PCDHGA6: variants seen among roughly 807,000 people sequenced by gnomAD.
PCDHGA6 encodes the protein protocadherin gamma-A6.
In PCDHGA6, 41 loss-of-function variants were observed where a neutral mutation model predicts 60.6. That is an observed-to-expected ratio of 0.68 (90% CI 0.53 to 0.88). The LOEUF (loss-of-function observed/expected upper bound fraction) is 0.88, where lower values mean the gene tolerates loss of function less well. Among genes scored for constraint, PCDHGA6 ranks in the 40% least tolerant of loss-of-function variants. The pLI is 0.00. For synonymous variants in PCDHGA6, 594 were observed against 524.4 expected (o/e 1.13, Z -1.81); for missense variants, 1,312 against 1,203.0 (o/e 1.09, Z -1.34).
chr5:141,422,678 A>G, intron 1 of PCDHGA6: 1 of 1,606,250 alleles, frequency 6.2e-7, no homozygotes, highest in Non-Finnish European at 8.5e-7. Flanking sequence ...GACAGCAAAC[A>G]GAATGCCCTG....
Position 141,432,083 on chromosome 5 carries a change from G to T in PCDHGA6, c.2424+55576G>T, listed in dbSNP as rs1221754474. On this transcript the variant is annotated intron_variant, in intron 1 of 3. Transcript: ENST00000517434. The surrounding 1 kb of genome is among the most constrained non-coding windows in gnomAD (Gnocchi z 6.0). ...CACGGAAACTCATATCTCGCTGAAC[G>T]TGGCAGACACCAACGACAACCCGCC... The T allele has an allele frequency of 1.9e-6, 3 of 1,614,040 alleles. No individual in the cohort carries two copies. The highest frequency in any genetic ancestry group is 2.7e-5 in the African/African-American group (2 of 74,910).
At chr5:141,460,926 G>A (rs1180507724) in intron 1 of PCDHGA6, among the ~76,000 whole-genome samples, 4 of 145,540 alleles carry the variant, frequency 2.7e-5, no homozygotes, top group African/African-American at 2.6e-5. Flanking sequence ...ATATATATAT[G>A]TGTGTGTGTA....
rs758417744 is a variant in PCDHGA6, at chr5:141,430,916, G to A, written c.2424+54409G>A. On this transcript the variant is annotated intron_variant, in intron 1 of 3. Coordinates refer to ENST00000517434, the MANE Select transcript of PCDHGA6 (RefSeq NM_018919.3). ...GGTGGGCGACATCTCCAGGGACCTG[G>A]GGCTGGAGCCCCGGGAGCTCGCGGA... The A allele has an allele frequency of 1.9e-6, 3 of 1,607,878 alleles. No individual in the cohort carries two copies. The East Asian group carries it at 6.7e-5, about 36-fold the overall frequency.
intron 1 of PCDHGA6, 39 bp downstream of exon 1, chr5:141,376,546 T>TC (rs1388461293): frequency 6.2e-7 from 1 of 1,612,610 alleles, no homozygotes; most frequent in Non-Finnish European, 8.5e-7. Context: ...AGTAATCTGA[T>TC]CTTCCCGCAA....
chr5:141,477,268 C>A lies in PCDHGA6; in HGVS notation c.2425-17539C>A, dbSNP rs2099408532. On this transcript the variant is annotated intron_variant, in intron 1 of 3. Transcript: ENST00000517434. This position sits in a 1 kb window ranked among gnomAD's most constrained non-coding sequence, Gnocchi z 4.9. ...TGACTGACCTGGATGCTGGCGAGAA[C>A]GGGCTGGTGACCTGCGAAGTTCCAC... 1.2e-6 allele frequency: 2 copies of A among 1,614,078 alleles called. No individual in the cohort carries two copies. Among genetic ancestry groups the A allele is most frequent in the Non-Finnish European group, 1.7e-6 (2 of 1,180,038 alleles).
chr5:141,454,580 ATT>A (rs1392342692), intron 1 of PCDHGA6, among the ~76,000 whole-genome samples: 2 of 151,234 alleles, frequency 1.3e-5, no homozygotes, highest in Non-Finnish European at 2.9e-5. Context: ...CTAATTTTGT[ATT>A]TTTAGTAGAG....
rs776293224 is a variant in PCDHGA6, at chr5:141,477,889, A to G, written c.2425-16918A>G. Reference sequence around the variant, plus strand: ...GTACCTCAGCTGGCCACCTAGTGTCACGGGTGGTAGGCTGGGACGCGGATG... The same window carrying G: ...GTACCTCAGCTGGCCACCTAGTGTCGCGGGTGGTAGGCTGGGACGCGGATG... On this transcript the variant is annotated intron_variant, in intron 1 of 3. Coordinates refer to ENST00000517434, the MANE Select transcript of PCDHGA6 (RefSeq NM_018919.3). This position sits in a 1 kb window ranked among gnomAD's most constrained non-coding sequence, Gnocchi z 4.9. The G allele has an allele frequency of 1.8e-5, 29 of 1,614,034 alleles. No individual in the cohort carries two copies. Among genetic ancestry groups the G allele is most frequent in the Non-Finnish European group, 2.5e-5 (29 of 1,180,026 alleles).
At chr5:141,394,195 T>A (rs930890690) in intron 1 of PCDHGA6, 1 of 1,613,768 alleles carries the variant, frequency 6.2e-7, no homozygotes, top group Non-Finnish European at 8.5e-7. Context: ...TCAGCGTATA[T>A]CCTAGAGAAC....
intron 1 of PCDHGA6, chr5:141,383,457 C>T (rs1270613288): frequency 2.5e-6 from 4 of 1,613,734 alleles, no homozygotes; most frequent in Non-Finnish European, 3.4e-6. Flanking sequence ...AAAGTGGAGA[C>T]GATGAAACTA....
intron 2 of PCDHGA6, among the ~76,000 whole-genome samples, chr5:141,500,806 T>C (rs2099802700): frequency 6.6e-6 from 1 of 152,240 alleles, no homozygotes; most frequent in Non-Finnish European, 1.5e-5. Context: ...AGTCCTCATA[T>C]GAATATACAT....
chr5:141,447,848 G>A (rs539844218), intron 1 of PCDHGA6, among the ~76,000 whole-genome samples: 46 of 152,302 alleles, frequency 3.0e-4, no homozygotes, highest in East Asian at 2.7e-3. Context: ...TGCTTTGGGA[G>A]GCCGAGGTGG....
At chr5:141,462,540 T>G (rs2099042148) in intron 1 of PCDHGA6, among the ~76,000 whole-genome samples, 2 of 152,204 alleles carry the variant, frequency 1.3e-5, no homozygotes, top group Non-Finnish European at 2.9e-5. Flanking sequence ...TCAGTGATCT[T>G]TTCTTCTTCA....
intron 1 of PCDHGA6, chr5:141,427,536 G>T (rs758610182): frequency 1.6e-6 from 1 of 626,396 alleles, no homozygotes; most frequent in Non-Finnish European, 3.0e-6. Context: ...GGAGTACAAC[G>T]TCACCATCAC....
chr5:141,450,150 G>T (rs1314865325), intron 1 of PCDHGA6, among the ~76,000 whole-genome samples: 1 of 150,342 alleles, frequency 6.7e-6, no homozygotes, highest in Non-Finnish European at 1.5e-5. Flanking sequence ...GGGACTACAG[G>T]CATGTGCCAC....
chr5:141,507,478 C>T (rs933478897), intron 3 of PCDHGA6, among the ~76,000 whole-genome samples: 5 of 152,158 alleles, frequency 3.3e-5, no homozygotes, highest in African/African-American at 1.2e-4. Flanking sequence ...GGACTGCTGG[C>T]CTCCTGAGGC....
rs996556361 is a variant in PCDHGA6, at chr5:141,511,290, A to G, written c.*117A>G. 1.3e-6 allele frequency: 2 copies of G among 1,516,984 alleles called. No homozygotes were observed. The highest frequency in any genetic ancestry group is 1.8e-6 in the Non-Finnish European group (2 of 1,129,124). The allele number at this position is 1,516,984 out of a possible 1,614,324, so 94.0% of individuals were successfully genotyped here. ...AACCCCCAGAATACTGGTAGGGGCC[A>G]AGGCCATGCTCCCCTTGGGAAACAG... is the stretch of plus-strand genomic sequence containing the variant. On this transcript the variant is annotated 3_prime_UTR_variant, in exon 4 of 4. Coordinates refer to ENST00000517434, the MANE Select transcript of PCDHGA6 (RefSeq NM_018919.3).
rs559316235 is a variant in PCDHGA6, at chr5:141,398,652, C to T, written c.2424+22145C>T. 27 of 1,613,990 alleles carry T rather than the reference C, an allele frequency of 1.7e-5. No homozygotes were observed. The East Asian group carries it at 5.1e-4, about 31-fold the overall frequency. ...TGCAGAAGTATAAACTCTCTCTTAA[C>T]CCAAGTTTCTCATTAATAATTAAGG... On this transcript the variant is annotated intron_variant, in intron 1 of 3. Coordinates refer to ENST00000517434, the MANE Select transcript of PCDHGA6 (RefSeq NM_018919.3).
At chr5:141,402,827 G>C in intron 1 of PCDHGA6, 10 of 1,330,136 alleles carry the variant, frequency 7.5e-6, no homozygotes, top group Non-Finnish European at 9.9e-6. Context: ...CTGCTCCCAG[G>C]CTGCAGCAAA....
At chr5:141,394,681 C>G in intron 1 of PCDHGA6, 2 of 1,612,998 alleles carry the variant, frequency 1.2e-6, no homozygotes, top group Non-Finnish European at 1.7e-6. Context: ...GGTCTGCACA[C>G]GGGCGAGGTG....
Sources: gnomAD v4.1 joint callset for allele counts (sites outside exome capture counted in the v4.1 genomes callset) on GRCh38, gnomAD v4.1.1 for gene constraint, Gnocchi (gnomAD v3.1) non-coding constraint, MANE v1.5 for transcripts, NCBI Gene and HGNC (gene_info 2026-07-23, HGNC 2026-07-21) for gene names.